UCHL5: variants seen among roughly 807,000 people sequenced by gnomAD.
UCHL5 encodes ubiquitin carboxyl-terminal hydrolase isozyme L5.
UCHL5 carries 34 observed loss-of-function variants against 53.8 expected under a neutral mutation model. The observed-to-expected ratio is 0.63, with a 90% CI of 0.48 to 0.84. The LOEUF (loss-of-function observed/expected upper bound fraction) is 0.84, where lower values mean the gene tolerates loss of function less well. Among genes scored for constraint, UCHL5 ranks in the 40% least tolerant of loss-of-function variants. The probability of loss-of-function intolerance (pLI) is 0.00; values close to 1 mark genes in which losing one functional copy is unlikely to be tolerated. For synonymous variants in UCHL5, 111 were observed against 126.3 expected (o/e 0.88, Z 0.81); for missense variants, 290 against 385.6 (o/e 0.75, Z 2.08).
rs189338208 is a variant in UCHL5, at chr1:193,037,600, A to T, written c.247-7943T>A. ...CTCAAACTCTTCAAAAAAATTGAAGAAGAAGGAATGCTTTCCAACCCATTC... is the reference window on the plus strand; with the variant it reads ...CTCAAACTCTTCAAAAAAATTGAAGTAGAAGGAATGCTTTCCAACCCATTC... On this transcript the variant is annotated intron_variant, in intron 3 of 10. Transcript: ENST00000367454. Among the ~76,000 whole-genome samples the T allele has an allele frequency of 2.7e-4, 41 of 152,274 alleles. 1 individual carries two copies. The East Asian group carries it at 6.4e-3, about 24-fold the overall frequency.
At chr1:193,043,642 G>T (rs763848314) in intron 3 of UCHL5, among the ~76,000 whole-genome samples, 23 of 69,434 alleles carry the variant, frequency 3.3e-4, no homozygotes, top group Non-Finnish European at 8.7e-4. Flanking sequence ...GACTTAGGGT[G>T]GGGGTATTGG....
intron 3 of UCHL5, among the ~76,000 whole-genome samples, chr1:193,032,526 T>C (rs762806832): frequency 2.2e-4 from 34 of 151,976 alleles, no homozygotes; most frequent in Non-Finnish European, 4.1e-4. Flanking sequence ...AATTGACAAA[T>C]GGGATCCAGT....
chr1:193,027,811 A>G (rs1026513598), intron 7 of UCHL5: 2 of 908,386 alleles, frequency 2.2e-6, no homozygotes, highest in Admixed American at 2.4e-5. Flanking sequence ...GACTTCTTAA[A>G]TGCATTAACC....
rs1663672028 is a variant in UCHL5, at chr1:193,036,800, C to A, written c.247-7143G>T. Among the ~76,000 whole-genome samples, 3 of 151,872 alleles carry A rather than the reference C, an allele frequency of 2.0e-5. No individual in the cohort carries two copies. The South Asian group carries it at 6.2e-4, about 32-fold the overall frequency. On this transcript the variant is annotated intron_variant, in intron 3 of 10. Transcript: ENST00000367454. ...TATGATTTATAGTAAAATAACATACCAAGTTTCTCTTCAGACCACAATGGA... is the reference window on the plus strand; with the variant it reads ...TATGATTTATAGTAAAATAACATACAAAGTTTCTCTTCAGACCACAATGGA...
At chr1:193,059,618 TC>T, upstream of UCHL5, 1 of 1,416,758 alleles carries the variant, frequency 7.1e-7, no homozygotes, top group Non-Finnish European at 9.5e-7. The surrounding 1 kb of genome is among the most constrained non-coding windows in gnomAD (Gnocchi z 4.9). Context: ...CAGGACTCGT[TC>T]CCGGGAACCG....
intron 3 of UCHL5, among the ~76,000 whole-genome samples, chr1:193,043,494 T>G (rs978045581): frequency 1.3e-5 from 2 of 152,216 alleles, no homozygotes; most frequent in African/African-American, 4.8e-5. Context: ...TTTATGACTA[T>G]AGTAAAGAAA....
intron 10 of UCHL5, among the ~76,000 whole-genome samples, chr1:193,017,134 G>A (rs1490152038): frequency 6.6e-6 from 1 of 151,724 alleles, no homozygotes; most frequent in Non-Finnish European, 1.5e-5. Flanking sequence ...GACTGATTTA[G>A]TAAAATGCCT....
upstream of UCHL5, chr1:193,059,596 A>G (rs1672183669): frequency 6.9e-7 from 1 of 1,459,348 alleles, no homozygotes; most frequent in Admixed American, 1.9e-5. This position sits in a 1 kb window ranked among gnomAD's most constrained non-coding sequence, Gnocchi z 4.9. Context: ...AGGCGGGGCA[A>G]AAGAAGAGGG....
intron 10 of UCHL5, among the ~76,000 whole-genome samples, chr1:193,017,965 T>C (rs1221483443): frequency 6.6e-6 from 1 of 151,346 alleles, no homozygotes; most frequent in African/African-American, 2.4e-5. Context: ...TCTGTTTTTG[T>C]TAAAAAATAA....
At chr1:193,039,647 T>G (rs1157377119) in intron 3 of UCHL5, among the ~76,000 whole-genome samples, 1 of 151,706 alleles carries the variant, frequency 6.6e-6, no homozygotes, top group Non-Finnish European at 1.5e-5. Context: ...GAAAAAGCAA[T>G]CCCAAAATTT....
chr1:193,018,703 T>C (rs1234931617), intron 10 of UCHL5: 10 of 1,360,202 alleles, frequency 7.4e-6, no homozygotes, highest in Non-Finnish European at 8.6e-6. Flanking sequence ...GCCTCAGCTA[T>C]TCAAAAATCT....
intron 3 of UCHL5, among the ~76,000 whole-genome samples, chr1:193,038,285 T>A (rs1020110073): frequency 7.2e-5 from 11 of 152,004 alleles, no homozygotes; most frequent in African/African-American, 2.7e-4. Flanking sequence ...TGAAACCCTG[T>A]CTCCACTAAA....
upstream of UCHL5, chr1:193,059,640 C>A (rs781670691): frequency 7.2e-6 from 10 of 1,393,582 alleles, no homozygotes; most frequent in Admixed American, 1.5e-4. This position sits in a 1 kb window ranked among gnomAD's most constrained non-coding sequence, Gnocchi z 4.9. Context: ...AACCTGGAAT[C>A]CCCGGCGGCA....
At chr1:193,021,795 A>C (rs1330264833) in intron 9 of UCHL5, among the ~76,000 whole-genome samples, 1 of 152,178 alleles carries the variant, frequency 6.6e-6, no homozygotes, top group African/African-American at 2.4e-5. Context: ...ACTTCATATA[A>C]ATTTGAGCTT....
chr1:193,049,929 CAG>C, intron 2 of UCHL5, 78 bp from the exon 3 acceptor site: 1 of 1,231,364 alleles, frequency 8.1e-7, no homozygotes, highest in Admixed American at 2.9e-5. Flanking sequence ...AAATTTTAGT[CAG>C]TTATCTAACA....
chr1:193,016,402 A>C lies in UCHL5; in HGVS notation c.943-7T>G. 6.2e-7 allele frequency: 1 copy of C among 1,604,550 alleles called. No individual in the cohort carries two copies. Among genetic ancestry groups the C allele is most frequent in the Non-Finnish European group, 8.5e-7 (1 of 1,176,854 alleles). ...CGTTCTGTTTTTCTTTTGCCTAAAA[A>C]TTAAAAATAGTATGTTACAAAATTT... is the stretch of plus-strand genomic sequence containing the variant. On this transcript the variant is annotated splice_region_variant and splice_polypyrimidine_tract_variant and intron_variant, in intron 10 of 10. Coordinates refer to ENST00000367454, the MANE Select transcript of UCHL5 (RefSeq NM_001199261.3).
chr1:193,022,240 G>C (rs1038031613), intron 9 of UCHL5, among the ~76,000 whole-genome samples: 7 of 152,036 alleles, frequency 4.6e-5, no homozygotes, highest in Admixed American at 1.3e-4. Flanking sequence ...CCTGTTGTCT[G>C]TTAAGTATGA....
intron 1 of UCHL5, among the ~76,000 whole-genome samples, chr1:193,058,009 C>G (rs1236913271): frequency 6.6e-6 from 1 of 152,010 alleles, no homozygotes; most frequent in Non-Finnish European, 1.5e-5. Context: ...GCGGGTGGAT[C>G]ACGAGGTCAG....
In UCHL5 at chr1:193,029,347, A is replaced by G. The variant is rs767855211; in HGVS notation, c.435-38T>C. 10 of 1,613,170 alleles carry G rather than the reference A, an allele frequency of 6.2e-6. No individual in the cohort carries two copies. The Middle Eastern group carries it at 8.3e-4, about 133-fold the overall frequency. On this transcript the variant is annotated intron_variant, in intron 5 of 10. Transcript: ENST00000367454. ...AAAAAATAGTGAAACTCAAAGAAGC[A>G]AAGAAAGAAACAGTATTTATTTAAC...
Sources: gnomAD v4.1 joint callset for allele counts (sites outside exome capture counted in the v4.1 genomes callset) on GRCh38, gnomAD v4.1.1 for gene constraint, Gnocchi (gnomAD v3.1) non-coding constraint, MANE v1.5 for transcripts, NCBI Gene and HGNC (gene_info 2026-07-23, HGNC 2026-07-21) for gene names.